ANGPT1: variants seen among roughly 807,000 people sequenced by gnomAD.
The protein encoded by ANGPT1 is angiopoietin 1.
In ANGPT1, 17 loss-of-function variants were observed where a neutral mutation model predicts 62.2. The ratio of observed to expected loss-of-function variants is 0.27; its 90% CI spans 0.19 to 0.41. The LOEUF is 0.41. ANGPT1 is among the 10% of genes least tolerant of loss of function. ANGPT1 has a pLI of 1.00. For synonymous variants in ANGPT1, 199 were observed against 198.9 expected (o/e 1.00, Z 0.00); for missense variants, 478 against 594.9 (o/e 0.80, Z 2.04).
chr8:107,427,831 G>C (rs1030232050), intron 1 of ANGPT1, among the ~76,000 whole-genome samples: 2 of 152,150 alleles, frequency 1.3e-5, no homozygotes, highest in African/African-American at 4.8e-5. Flanking sequence ...GGAGAAACGG[G>C]AGTTATTATT....
chr8:107,312,536 T>C (rs1342654366), intron 4 of ANGPT1, among the ~76,000 whole-genome samples: 1 of 152,220 alleles, frequency 6.6e-6, no homozygotes, highest in African/African-American at 2.4e-5. Context: ...TTTGAAGTTT[T>C]AAGTAAATAA....
At chr8:107,260,194 C>A (rs1813459835) in intron 8 of ANGPT1, among the ~76,000 whole-genome samples, 1 of 152,076 alleles carries the variant, frequency 6.6e-6, no homozygotes, top group South Asian at 2.1e-4. Context: ...CTATTTCCTG[C>A]CATTCAGTCT....
rs1172557980 is a variant in ANGPT1, at chr8:107,370,403, A to G, written c.298-23306T>C. Among the ~76,000 whole-genome samples the G allele has an allele frequency of 9.5e-3, 444 of 46,626 alleles. 91 individuals are homozygous for G. The highest frequency in any genetic ancestry group is 0.028 in the African/African-American group (423 of 14,978). The allele number at this position is 46,626 out of a possible 152,430, so 30.6% of individuals were successfully genotyped here. A position where few individuals can be genotyped will look rare whatever the true frequency, so the allele number is the denominator to read the frequency against. The stretch of plus-strand genomic sequence containing the variant: ...AAGAAAGAAAGAAAGAAAGAAAGAA[A>G]GAAAGAGTCAGGGTCAGTGGCTCAG... On this transcript the variant is annotated intron_variant, in intron 1 of 8. Transcript: ENST00000517746.
intron 1 of ANGPT1, among the ~76,000 whole-genome samples, chr8:107,385,055 C>T (rs537327150): frequency 4.6e-5 from 7 of 152,200 alleles, no homozygotes; most frequent in African/African-American, 1.7e-4. Flanking sequence ...AGTGTGAAAT[C>T]ACCAGCTTTG....
intron 3 of ANGPT1, among the ~76,000 whole-genome samples, chr8:107,323,009 C>A (rs1815191813): frequency 6.6e-6 from 1 of 152,118 alleles, no homozygotes; most frequent in African/African-American, 2.4e-5. Context: ...GTTCCCAAGT[C>A]ACTGTATAAA....
chr8:107,364,525 C>T (rs1397281597), intron 1 of ANGPT1, among the ~76,000 whole-genome samples: 1 of 152,176 alleles, frequency 6.6e-6, no homozygotes. Flanking sequence ...AAGCCAGCCA[C>T]CTGCCTTGGC....
At position 107,293,096 on chromosome 8, in the gene ANGPT1, T is replaced by C. The variant is rs547429625; in HGVS notation, c.1038+840A>G. ...TCAACCCTTGCTCATCTCTGTTTCCTTTTAAAATGGGCATAGTGTTAGTTA... is the reference window on the plus strand; with the variant it reads ...TCAACCCTTGCTCATCTCTGTTTCCCTTTAAAATGGGCATAGTGTTAGTTA... On this transcript the variant is annotated intron_variant, in intron 6 of 8. Coordinates refer to ENST00000517746, the MANE Select transcript of ANGPT1 (RefSeq NM_001146.5). 5.3e-5 allele frequency among the ~76,000 whole-genome samples: 8 copies of C among 152,308 alleles called. No homozygotes were observed. In the South Asian group the frequency reaches 1.7e-3, roughly 32 times the overall value.
chr8:107,329,696 G>A (rs139488074), intron 3 of ANGPT1, among the ~76,000 whole-genome samples: 87 of 151,700 alleles, frequency 5.7e-4, no homozygotes, highest in African/African-American at 1.6e-3. Flanking sequence ...TCTGTGTGTC[G>A]TATGGATAAA....
intron 1 of ANGPT1, among the ~76,000 whole-genome samples, chr8:107,385,463 T>C (rs1032738398): frequency 1.3e-5 from 2 of 152,122 alleles, no homozygotes; most frequent in African/African-American, 4.8e-5. Flanking sequence ...ATGCTATTGA[T>C]TTTTGTACAT....
chr8:107,257,861 CA>C (rs1303594757), intron 8 of ANGPT1, among the ~76,000 whole-genome samples: 2 of 129,624 alleles, frequency 1.5e-5, no homozygotes, highest in South Asian at 5.3e-4. Context: ...CTCTTCAGGC[CA>C]AGGACTTGTT....
rs372337683 is a variant in ANGPT1, at chr8:107,486,678, C to T, written c.297+10584G>A. Among the ~76,000 whole-genome samples the T allele has an allele frequency of 6.6e-5, 10 of 152,164 alleles. No individual in the cohort carries two copies. In the East Asian group the frequency reaches 1.7e-3, roughly 27 times the overall value. On this transcript the variant is annotated intron_variant, in intron 1 of 8. Coordinates refer to ENST00000517746, the MANE Select transcript of ANGPT1 (RefSeq NM_001146.5). ...TTTCACCCATAATGAAATTGCAGCACAGAGCAGTGAAGAAGCTTGCCCAAG... is the reference window on the plus strand; with the variant it reads ...TTTCACCCATAATGAAATTGCAGCATAGAGCAGTGAAGAAGCTTGCCCAAG...
chr8:107,274,246 A>G (rs960306554), intron 7 of ANGPT1, among the ~76,000 whole-genome samples: 4 of 152,196 alleles, frequency 2.6e-5, no homozygotes, highest in African/African-American at 9.6e-5. Flanking sequence ...CTATATGCAC[A>G]TTCAAGAAAT....
At chr8:107,348,238 C>T (rs1263269310) in intron 1 of ANGPT1, among the ~76,000 whole-genome samples, 1 of 152,164 alleles carries the variant, frequency 6.6e-6, no homozygotes, top group Non-Finnish European at 1.5e-5. Context: ...TCATTAACAG[C>T]TATGTGATTT....
intron 7 of ANGPT1, 45 bp from the exon 8 acceptor site, chr8:107,264,396 A>G: frequency 6.3e-7 from 1 of 1,594,972 alleles, no homozygotes; most frequent in African/African-American, 1.4e-5. Context: ...ATTCGACAGA[A>G]TAACAGAACC....
At chr8:107,299,668 T>G (rs191804521) in intron 5 of ANGPT1, among the ~76,000 whole-genome samples, 3,632 of 133,420 alleles carry the variant, frequency 0.027, 182 homozygotes, top group African/African-American at 0.081. Flanking sequence ...TATAGACATA[T>G]AGTTATATAG....
intron 1 of ANGPT1, among the ~76,000 whole-genome samples, chr8:107,460,143 G>A (rs1361942099): frequency 1.3e-5 from 2 of 152,172 alleles, no homozygotes; most frequent in Non-Finnish European, 2.9e-5. Flanking sequence ...TACTCCAGGG[G>A]TCCTAAAAGT....
At chr8:107,287,855 A>C (rs1814179093) in intron 6 of ANGPT1, among the ~76,000 whole-genome samples, 1 of 152,176 alleles carries the variant, frequency 6.6e-6, no homozygotes, top group African/African-American at 2.4e-5. Context: ...TTTCATATAC[A>C]AGGTTTTGAG....
chr8:107,471,791 T>G (rs1386562425), intron 1 of ANGPT1, among the ~76,000 whole-genome samples: 3 of 152,120 alleles, frequency 2.0e-5, no homozygotes, highest in Non-Finnish European at 4.4e-5. Flanking sequence ...ATTATCTGAT[T>G]TATCATCTTA....
intron 1 of ANGPT1, among the ~76,000 whole-genome samples, chr8:107,378,808 C>T (rs904241526): frequency 5.3e-5 from 8 of 152,110 alleles, no homozygotes; most frequent in East Asian, 1.9e-4. Flanking sequence ...GTAAGTTTCC[C>T]GAGGCCTCCC....
Sources: gnomAD v4.1 joint callset for allele counts (sites outside exome capture counted in the v4.1 genomes callset) on GRCh38, gnomAD v4.1.1 for gene constraint, MANE v1.5 for transcripts, NCBI Gene and HGNC (gene_info 2026-07-23, HGNC 2026-07-21) for gene names.